The following GPX8 variants were observed in gnomAD, a reference collection of about 807,000 sequenced individuals.
GPX8 encodes the protein protein peroxidase GPX8.
In GPX8, 12 loss-of-function variants were observed where a neutral mutation model predicts 17.8. The observed-to-expected ratio is 0.67, with a 90% CI of 0.43 to 1.09. GPX8 has a LOEUF of 1.09. GPX8 is among the 50% of genes least tolerant of loss of function. GPX8 has a pLI of 0.00. For missense variants in GPX8, 209 were observed against 235.6 expected (o/e 0.89, Z 0.74); for synonymous variants, 86 against 88.1 (o/e 0.98, Z 0.14).
chr5:55,164,344 C>T lies in GPX8; in HGVS notation c.*126C>T. On this transcript the variant is annotated 3_prime_UTR_variant, in exon 3 of 3. Transcript: ENST00000503787. Reference sequence around the variant, plus strand: ...CCAGGCTGGAGTGCAGTAGTGCGTTCTCAGCTCATTGCAACCTCTGCCTTT... The same window carrying T: ...CCAGGCTGGAGTGCAGTAGTGCGTTTTCAGCTCATTGCAACCTCTGCCTTT... The T allele has an allele frequency of 2.6e-5, 14 of 528,336 alleles. No individual in the cohort carries two copies. The highest frequency in any genetic ancestry group is 3.9e-5 in the Non-Finnish European group (13 of 336,008). 32.7% of individuals were successfully genotyped at this position (528,336 alleles called of 1,614,324 possible).
intron 1 of GPX8, chr5:55,160,742 A>C (rs1744001284): frequency 6.3e-6 from 3 of 479,850 alleles, no homozygotes; most frequent in South Asian, 7.3e-5. Flanking sequence ...CAAGGATCAT[A>C]GTTTTATCTT....
At chr5:55,163,009 G>A (rs922850693) in intron 2 of GPX8, among the ~76,000 whole-genome samples, 8 of 152,112 alleles carry the variant, frequency 5.3e-5, no homozygotes, top group African/African-American at 1.9e-4. Flanking sequence ...AAACGGGGAT[G>A]ATAATAATAC....
Position 55,164,166 on chromosome 5 carries a change from A to T in GPX8, c.578A>T (p.Asp193Val). Reference sequence around the variant, plus strand: ...GAGCCCATTGAAGTCATCAGGCCTGACATAGCAGCTCTGGTTAGACAAGTG... The same window carrying T: ...GAGCCCATTGAAGTCATCAGGCCTGTCATAGCAGCTCTGGTTAGACAAGTG... ...PEEPIEVIRP[D>V]IAALVRQVII... The change falls in exon 3 of 3, where the codon GAC becomes GTC. Residue 193 changes from aspartate to valine, a missense_variant. By Grantham distance (152) the Asp-to-Val change is radical (BLOSUM62 -3). Coordinates refer to ENST00000503787, the MANE Select transcript of GPX8 (RefSeq NM_001008397.4). 1 of 1,597,582 alleles carries T rather than the reference A, an allele frequency of 6.3e-7. No individual in the cohort carries two copies. Among genetic ancestry groups the T allele is most frequent in the Non-Finnish European group, 8.6e-7 (1 of 1,168,940 alleles).
In GPX8 at chr5:55,160,492, A is replaced by C; in HGVS notation, c.204+96A>C. 3 of 902,148 alleles carry C rather than the reference A, an allele frequency of 3.3e-6. No homozygotes were observed. In the South Asian group the frequency reaches 5.0e-5, roughly 15 times the overall value. 55.9% of individuals were successfully genotyped at this position (902,148 alleles called of 1,614,324 possible). On this transcript the variant is annotated intron_variant, in intron 1 of 2. Coordinates refer to ENST00000503787, the MANE Select transcript of GPX8 (RefSeq NM_001008397.4). Reference sequence around the variant, plus strand: ...AATTTTTTGCTGTTACATGGTCATAAGTTGGAATTTAGTCTTCAGAGTAAT... The same window carrying C: ...AATTTTTTGCTGTTACATGGTCATACGTTGGAATTTAGTCTTCAGAGTAAT...
In GPX8 at chr5:55,162,756, G is replaced by A. The variant is rs979533363; in HGVS notation, c.467-1299G>A. ...TTCTTCAGTTACAGCAGCCAGATACGTGGGTGCAATAGCTCATAGGTTATT... is the reference window on the plus strand; with the variant it reads ...TTCTTCAGTTACAGCAGCCAGATACATGGGTGCAATAGCTCATAGGTTATT... On this transcript the variant is annotated intron_variant, in intron 2 of 2. Coordinates refer to ENST00000503787, the MANE Select transcript of GPX8 (RefSeq NM_001008397.4). Among the ~76,000 whole-genome samples the A allele has an allele frequency of 1.2e-4, 18 of 152,208 alleles. No individual in the cohort carries two copies. In the East Asian group the frequency reaches 2.9e-3, roughly 24 times the overall value.
At position 55,160,178 on chromosome 5, in the gene GPX8, C is replaced by G; in HGVS notation, c.-15C>G. The G allele has an allele frequency of 6.2e-7, 1 of 1,607,036 alleles. No individual in the cohort carries two copies. Among genetic ancestry groups the G allele is most frequent in the Non-Finnish European group, 8.5e-7 (1 of 1,173,642 alleles). On this transcript the variant is annotated 5_prime_UTR_variant, in exon 1 of 3. Transcript: ENST00000503787. ...AATTCCAGGCTGCTGAGACTTCCCT[C>G]TAGAATCCTCCAACATGGAGCCTCT...
chr5:55,160,850 G>C (rs758023407), intron 1 of GPX8, 144 bp from the exon 2 acceptor site: 4 of 843,548 alleles, frequency 4.7e-6, no homozygotes, highest in Non-Finnish European at 3.5e-6. Flanking sequence ...GTTTTCAATA[G>C]AACTGTGTAT....
chr5:55,160,436 C>G, intron 1 of GPX8, 40 bp downstream of exon 1: 1 of 1,524,142 alleles, frequency 6.6e-7, no homozygotes, highest in African/African-American at 1.4e-5. Flanking sequence ...ATCATTTTTC[C>G]TTGTCTCTGT....
chr5:55,166,493 G>GT lies in GPX8; in HGVS notation c.*2276dup, dbSNP rs1237974516. On this transcript the variant is annotated 3_prime_UTR_variant, in exon 3 of 3. Coordinates refer to ENST00000503787, the MANE Select transcript of GPX8 (RefSeq NM_001008397.4). ...TTGCCTTGAAAGAAAGGACATTCAG[G>GT]TGTCCCTTCGGGGTTCTGTAACAAT... The GT allele has an allele frequency of 2.0e-5, 3 of 152,174 alleles. No homozygotes were observed. Among genetic ancestry groups the GT allele is most frequent in the Non-Finnish European group, 2.9e-5 (2 of 68,060 alleles). The allele number at this position is 152,174 out of a possible 1,614,324, so 9.4% of individuals were successfully genotyped here.
chr5:55,161,082 C>T lies in GPX8; in HGVS notation c.293C>T (p.Pro98Leu), dbSNP rs182510529. The T allele has an allele frequency of 1.2e-6, 2 of 1,614,162 alleles. No homozygotes were observed. Among genetic ancestry groups the T allele is most frequent in the Non-Finnish European group, 1.7e-6 (2 of 1,180,030 alleles). ...GLKELHKEFGPSHFSVLAFPC... is the reference protein window; with the variant it reads ...GLKELHKEFGLSHFSVLAFPC... The stretch of plus-strand genomic sequence containing the variant: ...AAGGAACTGCACAAAGAGTTTGGAC[C>T]ATCCCACTTCAGCGTGTTGGCTTTT... Residue 98 changes from proline to leucine, a missense_variant, in exon 2 of 3, where the codon CCA (proline) becomes CTA (leucine). Coordinates refer to ENST00000503787, the MANE Select transcript of GPX8 (RefSeq NM_001008397.4).
At position 55,166,492 on chromosome 5, in the gene GPX8, G is replaced by A. The variant is rs1049384943; in HGVS notation, c.*2274G>A. ...ATTGCCTTGAAAGAAAGGACATTCAGGTGTCCCTTCGGGGTTCTGTAACAA... is the reference window on the plus strand; with the variant it reads ...ATTGCCTTGAAAGAAAGGACATTCAAGTGTCCCTTCGGGGTTCTGTAACAA... On this transcript the variant is annotated 3_prime_UTR_variant, in exon 3 of 3. Coordinates refer to ENST00000503787, the MANE Select transcript of GPX8 (RefSeq NM_001008397.4). 6.6e-6 allele frequency: 1 copy of A among 152,210 alleles called. No individual in the cohort carries two copies. The highest frequency in any genetic ancestry group is 1.5e-5 in the Non-Finnish European group (1 of 68,064). 9.4% of individuals were successfully genotyped at this position (152,210 alleles called of 1,614,324 possible). A position where few individuals can be genotyped will look rare whatever the true frequency, so the allele number is the denominator to read the frequency against.
In GPX8 at chr5:55,161,023, C is replaced by T. The variant is rs61742528; in HGVS notation, c.234C>T (p.Asp78=). The change falls in exon 2 of 3, where the codon GAC becomes GAT. Residue 78 remains aspartate (D), a synonymous_variant. Coordinates refer to ENST00000503787, the MANE Select transcript of GPX8 (RefSeq NM_001008397.4). Reference sequence around the variant, plus strand: ...CACTAGTTGTAAACGTGGCCAGTGACTGCCAACTCACAGACAGAAATTACT... The same window carrying T: ...CACTAGTTGTAAACGTGGCCAGTGATTGCCAACTCACAGACAGAAATTACT... ...KVSLVVNVAS[D]CQLTDRNYLG... 2,597 of 1,613,916 alleles carry T rather than the reference C, an allele frequency of 1.6e-3. 6 individuals carry two copies. The highest frequency in any genetic ancestry group is 7.9e-3 in the Middle Eastern group (48 of 6,060).
chr5:55,162,950 T>G (rs1580371899), intron 2 of GPX8, among the ~76,000 whole-genome samples: 1 of 152,262 alleles, frequency 6.6e-6, no homozygotes, highest in South Asian at 2.1e-4. Context: ...GCTCAACCAC[T>G]CATTAGCCAC....
intron 1 of GPX8, 122 bp from the exon 2 acceptor site, chr5:55,160,872 T>C (rs924341333): frequency 8.4e-6 from 9 of 1,070,980 alleles, no homozygotes; most frequent in Non-Finnish European, 1.2e-5. Flanking sequence ...TCCAAAAATA[T>C]GAAAAAAACA....
Position 55,163,037 on chromosome 5 carries a change from T to G in GPX8, c.467-1018T>G, listed in dbSNP as rs149969948. 2.0e-3 allele frequency among the ~76,000 whole-genome samples: 298 copies of G among 152,292 alleles called. 1 individual carries two copies. The highest frequency in any genetic ancestry group is 6.7e-3 in the African/African-American group (277 of 41,562). ...AATAATACCCACCTCATAGGGTCCC[T>G]GTAAGATTAAAAGAGAGGATCAATT... On this transcript the variant is annotated intron_variant, in intron 2 of 2. Coordinates refer to ENST00000503787, the MANE Select transcript of GPX8 (RefSeq NM_001008397.4).
intron 2 of GPX8, among the ~76,000 whole-genome samples, chr5:55,161,641 T>C (rs1419550822): frequency 6.6e-6 from 1 of 152,258 alleles, no homozygotes; most frequent in Admixed American, 6.5e-5. Context: ...TGGGCATTAT[T>C]AGTTAACATA....
Position 55,167,120 on chromosome 5 carries a change from G to C in GPX8, c.*2902G>C, listed in dbSNP as rs1744436622. ...ATTCAGCTGTCGTTCTTGTGAAAAA[G>C]GAAAAGGACAAAATCAAATGCATTT... is the stretch of plus-strand genomic sequence containing the variant. On this transcript the variant is annotated 3_prime_UTR_variant, in exon 3 of 3. Coordinates refer to ENST00000503787, the MANE Select transcript of GPX8 (RefSeq NM_001008397.4). 1 of 152,132 alleles carries C rather than the reference G, an allele frequency of 6.6e-6. No homozygotes were observed. The highest frequency in any genetic ancestry group is 6.6e-5 in the Admixed American group (1 of 15,264). The allele number at this position is 152,132 out of a possible 1,614,324, so 9.4% of individuals were successfully genotyped here. A position where few individuals can be genotyped will look rare whatever the true frequency, so the allele number is the denominator to read the frequency against.
In GPX8 at chr5:55,165,756, C is replaced by T. The variant is rs10054014; in HGVS notation, c.*1538C>T. 13,679 of 152,256 alleles carry T rather than the reference C, an allele frequency of 0.09. 749 individuals carry two copies. Among genetic ancestry groups the T allele is most frequent in the East Asian group, 0.26 (1,340 of 5,182 alleles). The allele number at this position is 152,256 out of a possible 1,614,324, so 9.4% of individuals were successfully genotyped here. On this transcript the variant is annotated 3_prime_UTR_variant, in exon 3 of 3. Coordinates refer to ENST00000503787, the MANE Select transcript of GPX8 (RefSeq NM_001008397.4). ...GAGTGTGTCAGAAAGCCTGCTCCTA[C>T]CTCTCGCCAGCTGCGTGACTTTAGG... is the stretch of plus-strand genomic sequence containing the variant.
At chr5:55,162,161 C>T (rs1043827141) in intron 2 of GPX8, among the ~76,000 whole-genome samples, 3 of 150,764 alleles carry the variant, frequency 2.0e-5, no homozygotes, top group African/African-American at 4.9e-5. Flanking sequence ...TTTAGGAGGC[C>T]GAGGCAGGCA....
Sources: gnomAD v4.1 joint callset for allele counts (sites outside exome capture counted in the v4.1 genomes callset) on GRCh38, gnomAD v4.1.1 for gene constraint, MANE v1.5 for transcripts, NCBI Gene and HGNC (gene_info 2026-07-23, HGNC 2026-07-21) for gene names.